The following FGF13 variants were observed in gnomAD, a reference collection of about 807,000 sequenced individuals.
The protein encoded by FGF13 is fibroblast growth factor homologous factor 2.
In FGF13, 2 loss-of-function variants were observed where a neutral mutation model predicts 19.5. That is an observed-to-expected ratio of 0.10 (90% CI 0.04 to 0.32). The LOEUF (loss-of-function observed/expected upper bound fraction) is 0.32, where lower values mean the gene tolerates loss of function less well. Among genes scored for constraint, FGF13 ranks in the 10% least tolerant of loss-of-function variants. FGF13 has a pLI of 1.00. For synonymous variants in FGF13, 72 were observed against 76.9 expected, an observed-to-expected ratio of 0.94 and a Z score of 0.33; for missense variants, 113 against 192.7, an observed-to-expected ratio of 0.59 and a Z score of 2.45.
Position 138,621,016 on chromosome X carries a change from A to C in FGF13, c.*11834T>G, listed in dbSNP as rs1223477520. Reference sequence around the variant, plus strand: ...TAATAGATATGAACAGGAAATATAGACTGTAATAGTATAGTAGTAGAAGAC... The same window carrying C: ...TAATAGATATGAACAGGAAATATAGCCTGTAATAGTATAGTAGTAGAAGAC... On this transcript the variant is annotated 3_prime_UTR_variant, in exon 5 of 5. Transcript: ENST00000315930. 1 of 111,827 alleles carries C rather than the reference A, an allele frequency of 8.9e-6. No homozygotes were observed. The highest frequency in any genetic ancestry group is 1.9e-5 in the Non-Finnish European group (1 of 53,131). 9.2% of individuals were successfully genotyped at this position (111,827 alleles called of 1,213,427 possible). A position where few individuals can be genotyped will look rare whatever the true frequency, so the allele number is the denominator to read the frequency against.
upstream of FGF13, among the ~76,000 whole-genome samples, chrX:138,740,343 T>C (rs2090310618): frequency 8.9e-6 from 1 of 111,803 alleles, no homozygotes; most frequent in Non-Finnish European, 1.9e-5. Flanking sequence ...TAAGCCCCAG[T>C]ACCCATATTC....
At position 138,617,533 on chromosome X, in the gene FGF13, A is replaced by G; in HGVS notation, c.*15317T>C. 1 of 112,243 alleles carries G rather than the reference A, an allele frequency of 8.9e-6. No homozygotes were observed. Among genetic ancestry groups the G allele is most frequent in the South Asian group, 3.7e-4 (1 of 2,703 alleles). The allele number at this position is 112,243 out of a possible 1,213,427, so 9.3% of individuals were successfully genotyped here. On this transcript the variant is annotated 3_prime_UTR_variant, in exon 5 of 5. Transcript: ENST00000315930. Reference sequence around the variant, plus strand: ...TAAAATTTGTGTTGAGCTAAATTGTAAGGTAAACTGAAAGAAGCTGTGTAA... The same window carrying G: ...TAAAATTTGTGTTGAGCTAAATTGTGAGGTAAACTGAAAGAAGCTGTGTAA...
chrX:139,100,787 C>T (rs896327870), intron 1 of FGF13, among the ~76,000 whole-genome samples: 4 of 111,176 alleles, frequency 3.6e-5, no homozygotes, highest in African/African-American at 9.8e-5. Context: ...CCTCGGTTCA[C>T]GGATGCAATC....
intron 1 of FGF13, among the ~76,000 whole-genome samples, chrX:139,077,853 C>T (rs1166429090): frequency 9.0e-6 from 1 of 111,460 alleles, no homozygotes; most frequent in Non-Finnish European, 1.9e-5. Flanking sequence ...GCAGGGCTAT[C>T]GTGTTACCCA....
intron 1 of FGF13, among the ~76,000 whole-genome samples, chrX:139,151,821 C>T (rs1374805719): frequency 2.7e-5 from 3 of 111,714 alleles, no homozygotes; most frequent in Non-Finnish European, 3.8e-5. Flanking sequence ...TTGTTAACTG[C>T]AAACGTTAGT....
chrX:138,964,608 G>T (rs1245856040), intron 1 of FGF13, among the ~76,000 whole-genome samples: 1 of 111,660 alleles, frequency 9.0e-6, no homozygotes, highest in East Asian at 2.8e-4. Flanking sequence ...AAGAAAATAG[G>T]TTTATTTGGC....
intron 3 of FGF13, among the ~76,000 whole-genome samples, chrX:138,795,498 T>G (rs1312260817): frequency 1.8e-5 from 2 of 111,773 alleles, no homozygotes; most frequent in Non-Finnish European, 3.8e-5. Context: ...CTGGGACAGG[T>G]GAGTTCAGGA....
chrX:138,924,112 C>T (rs2091660043), intron 1 of FGF13, among the ~76,000 whole-genome samples: 1 of 112,130 alleles, frequency 8.9e-6, no homozygotes, highest in African/African-American at 3.2e-5. Context: ...AGTCAGTTTG[C>T]TTTTTATTGC....
intron 1 of FGF13, among the ~76,000 whole-genome samples, chrX:139,063,656 T>C (rs903955608): frequency 8.9e-6 from 1 of 112,068 alleles, no homozygotes; most frequent in African/African-American, 3.2e-5. Flanking sequence ...TTTTCTCCTA[T>C]AATCTAGTTT....
intron 1 of FGF13, among the ~76,000 whole-genome samples, chrX:139,037,558 G>T (rs945318516): frequency 1.8e-5 from 2 of 111,610 alleles, no homozygotes; most frequent in African/African-American, 6.5e-5. Context: ...TCTCCTGGAA[G>T]CTCTAGGGGA....
chrX:138,798,945 C>A (rs2090803658), intron 3 of FGF13, among the ~76,000 whole-genome samples: 2 of 110,544 alleles, frequency 1.8e-5, no homozygotes, highest in South Asian at 7.6e-4. Context: ...TTATTTGATT[C>A]TTCTCTCTGT....
upstream of FGF13, among the ~76,000 whole-genome samples, chrX:138,713,661 C>G (rs1312567886): frequency 9.0e-6 from 1 of 111,470 alleles, no homozygotes; most frequent in African/African-American, 3.3e-5. Flanking sequence ...ACCGTTTTTC[C>G]TCCACTTCTC....
At chrX:139,161,596 G>A (rs953341780) in intron 1 of FGF13, among the ~76,000 whole-genome samples, 6 of 112,073 alleles carry the variant, frequency 5.4e-5, no homozygotes, top group Non-Finnish European at 1.1e-4. Context: ...AATAGGAAGA[G>A]AGGAAGTCAA....
intron 1 of FGF13, among the ~76,000 whole-genome samples, chrX:139,053,614 T>C (rs1278714085): frequency 3.6e-5 from 4 of 111,429 alleles, no homozygotes; most frequent in African/African-American, 6.5e-5. Flanking sequence ...GTTATTTTCT[T>C]ACTGATTGGT....
chrX:138,629,925 T>C lies in FGF13; in HGVS notation c.*2925A>G, dbSNP rs1190241834. 9.0e-6 allele frequency: 1 copy of C among 111,407 alleles called. No individual in the cohort carries two copies. Among genetic ancestry groups the C allele is most frequent in the Admixed American group, 9.6e-5 (1 of 10,423 alleles). The allele number at this position is 111,407 out of a possible 1,213,427, so 9.2% of individuals were successfully genotyped here. A position where few individuals can be genotyped will look rare whatever the true frequency, so the allele number is the denominator to read the frequency against. On this transcript the variant is annotated 3_prime_UTR_variant, in exon 5 of 5. Coordinates refer to ENST00000315930, the MANE Select transcript of FGF13 (RefSeq NM_004114.5). Reference sequence around the variant, plus strand: ...TATTTGAAGTGTTTCCCACAACTATTTGACTAGAGTCTTTTTTTCTTTCAT... The same window carrying C: ...TATTTGAAGTGTTTCCCACAACTATCTGACTAGAGTCTTTTTTTCTTTCAT...
intron 1 of FGF13, among the ~76,000 whole-genome samples, chrX:139,041,978 C>T (rs2092271402): frequency 8.9e-6 from 1 of 112,042 alleles, no homozygotes; most frequent in African/African-American, 3.3e-5. Context: ...TATTTGGTAG[C>T]CTGTCATGGA....
chrX:139,199,676 ACCT>A (rs2084400825), intron 1 of FGF13, among the ~76,000 whole-genome samples: 2 of 110,885 alleles, frequency 1.8e-5, no homozygotes, highest in Non-Finnish European at 1.9e-5. Flanking sequence ...GTGGGCATAG[ACCT>A]CAACTCCTTC....
chrX:138,748,877 G>T (rs1273834561), intron 3 of FGF13, among the ~76,000 whole-genome samples: 1 of 111,493 alleles, frequency 9.0e-6, no homozygotes, highest in Non-Finnish European at 1.9e-5. Flanking sequence ...TAAAAAAATG[G>T]GAAAGCAATT....
At position 138,649,246 on chromosome X, in the gene FGF13, C is replaced by T. The variant is rs192029496; in HGVS notation, c.403-13591G>A. 5.4e-3 allele frequency among the ~76,000 whole-genome samples: 599 copies of T among 111,565 alleles called. 2 individuals carry two copies. Among genetic ancestry groups the T allele is most frequent in the Non-Finnish European group, 7.6e-3 (403 of 53,083 alleles). ...AATTTTTAAACTCTCAGATAAAATACATTTGGTATGTCATTACATGATGAT... is the reference window on the plus strand; with the variant it reads ...AATTTTTAAACTCTCAGATAAAATATATTTGGTATGTCATTACATGATGAT... On this transcript the variant is annotated intron_variant, in intron 3 of 4. Coordinates refer to ENST00000315930, the MANE Select transcript of FGF13 (RefSeq NM_004114.5).
Sources: gnomAD v4.1 joint callset for allele counts (sites outside exome capture counted in the v4.1 genomes callset) on GRCh38, gnomAD v4.1.1 for gene constraint, MANE v1.5 for transcripts, NCBI Gene and HGNC (gene_info 2026-07-23, HGNC 2026-07-21) for gene names.